The following CACNA1C variants were observed in gnomAD, a reference collection of about 807,000 sequenced individuals.
CACNA1C encodes the protein calcium voltage-gated channel subunit alpha1 C, also known as voltage-dependent L-type calcium channel subunit alpha-1C.
In CACNA1C, 30 loss-of-function variants were observed where a neutral mutation model predicts 229.0. The ratio of observed to expected loss-of-function variants is 0.13; its 90% CI spans 0.10 to 0.18. The LOEUF (loss-of-function observed/expected upper bound fraction) is 0.18, where lower values mean the gene tolerates loss of function less well. Ranked by LOEUF, CACNA1C falls within the 10% of genes least tolerant of loss-of-function variation. The pLI is 1.00. For synonymous variants in CACNA1C, 1,114 were observed against 1,132.5 expected (o/e 0.98, Z 0.33); for missense variants, 1,658 against 2,845.0 (o/e 0.58, Z 9.49).
chr12:2,571,052 G>C (rs2054115835), intron 13 of CACNA1C, among the ~76,000 whole-genome samples: 1 of 152,202 alleles, frequency 6.6e-6, no homozygotes, highest in African/African-American at 2.4e-5. Flanking sequence ...GGTGAGCAGA[G>C]GCCTACGAAT....
chr12:2,596,217 G>C (rs571120334), intron 20 of CACNA1C: 5 of 455,212 alleles, frequency 1.1e-5, no homozygotes, highest in East Asian at 3.5e-5. Flanking sequence ...TGCTCAGGCT[G>C]GTTTGATAAT....
chr12:2,438,359 A>ATGGTGGTGGTGG (rs1555574731), intron 3 of CACNA1C, among the ~76,000 whole-genome samples: 9 of 137,158 alleles, frequency 6.6e-5, no homozygotes, highest in Non-Finnish European at 1.2e-4. Flanking sequence ...GGTGGTGGTA[A>ATGGTGGTGGTGG]TGATGGTGGT....
chr12:2,476,280 G>C (rs1183965298), intron 5 of CACNA1C, among the ~76,000 whole-genome samples: 1 of 152,254 alleles, frequency 6.6e-6, no homozygotes, highest in Non-Finnish European at 1.5e-5. Flanking sequence ...AGTGGCACAT[G>C]TGTGCAGTGT....
chr12:2,330,620 T>C (rs974072661), intron 3 of CACNA1C, among the ~76,000 whole-genome samples: 2 of 152,180 alleles, frequency 1.3e-5, no homozygotes, highest in Admixed American at 1.3e-4. Context: ...ATGTCCTAAA[T>C]TATGTGGGAC....
upstream of CACNA1C, among the ~76,000 whole-genome samples, chr12:2,050,897 C>G (rs544665710): frequency 2.0e-5 from 3 of 152,194 alleles, no homozygotes; most frequent in African/African-American, 7.2e-5. Context: ...GTATCTCAGG[C>G]ACTCACTCAT....
chr12:2,228,293 C>G (rs908217116), intron 3 of CACNA1C, among the ~76,000 whole-genome samples: 37 of 152,162 alleles, frequency 2.4e-4, no homozygotes, highest in African/African-American at 8.7e-4. Flanking sequence ...GCACTTGACA[C>G]GTGTATACTC....
chr12:2,351,442 C>T (rs899393238), intron 3 of CACNA1C, among the ~76,000 whole-genome samples: 3 of 152,160 alleles, frequency 2.0e-5, no homozygotes, highest in Non-Finnish European at 2.9e-5. Context: ...AACAAGGCAG[C>T]GGTCCCCAAG....
chr12:2,062,406 A>G (rs1181108211), intron 1 of CACNA1C, among the ~76,000 whole-genome samples: 3 of 152,254 alleles, frequency 2.0e-5, no homozygotes, highest in Admixed American at 2.0e-4. Flanking sequence ...GGGGCTGGGA[A>G]TTAAATTCAG....
chr12:2,584,294 T>G (rs892708232), intron 15 of CACNA1C, among the ~76,000 whole-genome samples: 4 of 152,168 alleles, frequency 2.6e-5, no homozygotes, highest in Middle Eastern at 3.4e-3. Context: ...CCTGTTCTCA[T>G]CCCTCTTGAT....
intron 3 of CACNA1C, among the ~76,000 whole-genome samples, chr12:2,121,681 C>T (rs1047543413): frequency 9.9e-5 from 15 of 152,182 alleles, no homozygotes; most frequent in African/African-American, 3.6e-4. Flanking sequence ...GTGACCTCAT[C>T]TCTTAAGGGG....
intron 31 of CACNA1C, among the ~76,000 whole-genome samples, chr12:2,650,740 G>C (rs546593660): frequency 1.6e-4 from 24 of 152,260 alleles, no homozygotes; most frequent in Non-Finnish European, 2.5e-4. Context: ...AGCAGCCCAA[G>C]CACCTCCAGT....
intron 3 of CACNA1C, among the ~76,000 whole-genome samples, chr12:2,154,445 C>T (rs1285582705): frequency 6.6e-6 from 1 of 152,248 alleles, no homozygotes; most frequent in Non-Finnish European, 1.5e-5. Context: ...TCGTGGCCAG[C>T]TGTGTCCAGC....
rs747010529 is a variant in CACNA1C at position 2,567,762 on chromosome 12, C to T, written c.1863C>T (p.Cys621=). Residue 621 remains cysteine (C), a synonymous_variant, in exon 13 of 47, where the codon TGC becomes TGT. Transcript: ENST00000399655. The part of the protein sequence containing the change: ...MSPLGISVLR[C]VRLLRIFKIT... ...CACTGGGCATCTCCGTGCTCAGATG[C>T]GTCCGGCTGCTGAGGATTTTCAAGA... 27 of 1,611,448 alleles carry T rather than the reference C, an allele frequency of 1.7e-5. No individual in the cohort carries two copies. In the South Asian group the frequency reaches 2.1e-4, roughly 12 times the overall value.
In CACNA1C at chr12:2,410,192, C is replaced by T. The variant is rs11062218; in HGVS notation, c.478-38784C>T. Among the ~76,000 whole-genome samples the T allele has an allele frequency of 0.36, 54,348 of 152,076 alleles. 9,959 individuals carry two copies. Among genetic ancestry groups the T allele is most frequent in the Admixed American group, 0.48 (7,373 of 15,292 alleles). The stretch of plus-strand genomic sequence containing the variant: ...CTGCCAGAGGGACAGGGTCCTTCCC[C>T]GCAGCACTGAGGCTTGGCCAGTCGT... On this transcript the variant is annotated intron_variant, in intron 3 of 46. Coordinates refer to ENST00000399655, the MANE Select transcript of CACNA1C (RefSeq NM_000719.7). The surrounding 1 kb of genome is among the most constrained non-coding windows in gnomAD (Gnocchi z 5.3).
chr12:2,079,874 C>T (rs1459515544), intron 1 of CACNA1C, among the ~76,000 whole-genome samples: 1 of 152,156 alleles, frequency 6.6e-6, no homozygotes, highest in Non-Finnish European at 1.5e-5. Context: ...ATGTACACCT[C>T]ACAACAGAGT....
chr12:2,678,439 G>A lies in CACNA1C; in HGVS notation c.5091+572G>A, dbSNP rs936748900. 3.6e-4 allele frequency among the ~76,000 whole-genome samples: 55 copies of A among 151,974 alleles called. No individual in the cohort carries two copies. Among genetic ancestry groups the A allele is most frequent in the African/African-American group, 1.2e-3 (50 of 41,392 alleles). On this transcript the variant is annotated intron_variant, in intron 41 of 46. Transcript: ENST00000399655. The surrounding 1 kb of genome is among the most constrained non-coding windows in gnomAD (Gnocchi z 4.1). ...GAAGCTGCCCAGCAGTTGCAATAGT[G>A]AAAATTAAAACGGCTGTACCAGAAT... is the stretch of plus-strand genomic sequence containing the variant.
intron 9 of CACNA1C, among the ~76,000 whole-genome samples, chr12:2,534,611 A>G (rs1451618581): frequency 6.6e-6 from 1 of 152,136 alleles, no homozygotes; most frequent in African/African-American, 2.4e-5. Context: ...CCCTGCAGCA[A>G]ATGCTTATCC....
At chr12:2,626,041 G>A (rs1361794332) in intron 29 of CACNA1C, among the ~76,000 whole-genome samples, 1 of 152,276 alleles carries the variant, frequency 6.6e-6, no homozygotes, top group Non-Finnish European at 1.5e-5. Flanking sequence ...GAGGCACAGA[G>A]AAGTTAGGTA....
At chr12:2,606,520 C>A in intron 24 of CACNA1C, 91 bp from the exon 25 acceptor site, 1 of 1,038,304 alleles carries the variant, frequency 9.6e-7, no homozygotes, top group Non-Finnish European at 1.5e-6. Context: ...GTCCCTAGCA[C>A]AGTGCTGGGC....
Sources: allele counts gnomAD v4.1 joint callset (sites outside exome capture counted in the v4.1 genomes callset), GRCh38; gene constraint gnomAD v4.1.1; non-coding constraint Gnocchi (gnomAD v3.1); transcripts MANE v1.5; gene names NCBI Gene and HGNC (gene_info 2026-07-23, HGNC 2026-07-21).